The following RAB3IL1 variants were observed in gnomAD, a reference collection of about 807,000 sequenced individuals.
RAB3IL1 encodes guanine nucleotide exchange factor for Rab-3A.
Under a neutral mutation model 49.2 loss-of-function variants are expected in RAB3IL1, and 37 were observed. That is an observed-to-expected ratio of 0.75 (90% CI 0.58 to 0.99). The LOEUF (loss-of-function observed/expected upper bound fraction) is 0.99. Among genes scored for constraint, RAB3IL1 ranks in the 50% least tolerant of loss-of-function variants. The pLI is 0.00. For synonymous variants in RAB3IL1, 193 were observed against 213.9 expected, an observed-to-expected ratio of 0.90 and a Z score of 0.85; for missense variants, 484 against 513.0, an observed-to-expected ratio of 0.94 and a Z score of 0.55.
Position 61,906,370 on chromosome 11 carries a change from C to G in RAB3IL1, c.657+96G>C. On this transcript the variant is annotated intron_variant, in intron 5 of 9. Transcript: ENST00000394836. This position sits in a 1 kb window ranked among gnomAD's most constrained non-coding sequence, Gnocchi z 4.6. ...GGCGCAGGACAGGCTCCAGGTCACACAGCATGGGGCAGGCTGGTCCTCACT... is the reference window on the plus strand; with the variant it reads ...GGCGCAGGACAGGCTCCAGGTCACAGAGCATGGGGCAGGCTGGTCCTCACT... 8.6e-6 allele frequency: 10 copies of G among 1,156,224 alleles called. No homozygotes were observed. The highest frequency in any genetic ancestry group is 1.2e-5 in the Non-Finnish European group (10 of 804,622). The allele number at this position is 1,156,224 out of a possible 1,614,324, so 71.6% of individuals were successfully genotyped here.
At chr11:61,899,851 G>A (rs968358706) in intron 8 of RAB3IL1, 5 of 162,572 alleles carry the variant, frequency 3.1e-5, no homozygotes, top group Non-Finnish European at 6.8e-5. Context: ...ACTGGGAAAG[G>A]AAAGGGGGTC....
Position 61,898,153 on chromosome 11 carries a change from G to GT in RAB3IL1, c.*124dup. The GT allele has an allele frequency of 1.2e-6, 1 of 855,304 alleles. No individual in the cohort carries two copies. Among genetic ancestry groups the GT allele is most frequent in the Non-Finnish European group, 1.9e-6 (1 of 528,032 alleles). 53.0% of individuals were successfully genotyped at this position (855,304 alleles called of 1,614,324 possible). A position where few individuals can be genotyped will look rare whatever the true frequency, so the allele number is the denominator to read the frequency against. ...TGGCTCAGTGCTGCCTCCATGGCCT[G>GT]TCTGTCCATCCATTCTGCCTCTGGC... On this transcript the variant is annotated 3_prime_UTR_variant, in exon 10 of 10. Coordinates refer to ENST00000394836, the MANE Select transcript of RAB3IL1 (RefSeq NM_013401.4). The surrounding 1 kb of genome is among the most constrained non-coding windows in gnomAD (Gnocchi z 5.1).
chr11:61,898,810 A>C lies in RAB3IL1; in HGVS notation c.1067-450T>G. ...TGGCCTTGGCCTCCAAGAGGACTTG[A>C]CCCCCAGGATGGAGAGGAGATAGCT... On this transcript the variant is annotated intron_variant, in intron 9 of 9. Transcript: ENST00000394836. This position sits in a 1 kb window ranked among gnomAD's most constrained non-coding sequence, Gnocchi z 5.1. 2.1e-6 allele frequency: 1 copy of C among 468,396 alleles called. No individual in the cohort carries two copies. The highest frequency in any genetic ancestry group is 4.2e-6 in the Non-Finnish European group (1 of 235,578). 29.0% of individuals were successfully genotyped at this position (468,396 alleles called of 1,614,324 possible).
At chr11:61,921,867 C>T (rs1939915330), upstream of RAB3IL1, among the ~76,000 whole-genome samples, 1 of 152,154 alleles carries the variant, frequency 6.6e-6, no homozygotes, top group African/African-American at 2.4e-5. Context: ...GGGAAGTTCT[C>T]CCCTGTGAAA....
rs1006201118 is a variant in RAB3IL1 at position 61,898,650 on chromosome 11, C to T, written c.1067-290G>A. Among the ~76,000 whole-genome samples the T allele has an allele frequency of 9.9e-5, 15 of 152,230 alleles. No homozygotes were observed. The highest frequency in any genetic ancestry group is 6.2e-4 in the South Asian group (3 of 4,834). On this transcript the variant is annotated intron_variant, in intron 9 of 9. Transcript: ENST00000394836. This position sits in a 1 kb window ranked among gnomAD's most constrained non-coding sequence, Gnocchi z 5.1. ...AGGTACACGCTGTCACATGCCACAG[C>T]GGTGGTCCAGACCTGGGAACTACAT...
At chr11:61,941,868 C>T in the RAB3IL1 span, among the ~76,000 whole-genome samples, 1 of 152,076 alleles carries the variant, frequency 6.6e-6, no homozygotes, top group Admixed American at 6.6e-5. Context: ...ACATCGTGTC[C>T]ATGTGGGATT....
chr11:61,934,476 A>G, the RAB3IL1 span, among the ~76,000 whole-genome samples: 112 of 58,404 alleles, frequency 1.9e-3, 6 homozygotes, highest in South Asian at 2.9e-3. Flanking sequence ...ATATATATAT[A>G]TATATATATA....
upstream of RAB3IL1, chr11:61,920,163 G>T: frequency 7.6e-7 from 1 of 1,322,602 alleles, no homozygotes; most frequent in South Asian, 2.1e-5. Flanking sequence ...CTCGGGCGGG[G>T]CACCCAGCGT....
upstream of RAB3IL1, among the ~76,000 whole-genome samples, chr11:61,923,293 G>T (rs1939945061): frequency 6.6e-6 from 1 of 152,328 alleles, no homozygotes; most frequent in South Asian, 2.1e-4. Context: ...AGGGTCACTT[G>T]TGAGTCACAG....
intron 5 of RAB3IL1, among the ~76,000 whole-genome samples, chr11:61,905,084 C>T (rs976186068): frequency 6.6e-6 from 1 of 152,228 alleles, no homozygotes; most frequent in African/African-American, 2.4e-5. Flanking sequence ...GAATTTAGAA[C>T]TAAAAGTTTT....
chr11:61,919,963 A>T, upstream of RAB3IL1: 1 of 1,004,910 alleles, frequency 1.0e-6, no homozygotes, highest in Non-Finnish European at 1.3e-6. Flanking sequence ...GGACTCTCTG[A>T]GCCCAGCTTC....
In RAB3IL1 at chr11:61,917,460, C is replaced by T; in HGVS notation, c.-93G>A. 3 of 1,164,586 alleles carry T rather than the reference C, an allele frequency of 2.6e-6. No homozygotes were observed. The highest frequency in any genetic ancestry group is 1.1e-6 in the Non-Finnish European group (1 of 946,090). 72.1% of individuals were successfully genotyped at this position (1,164,586 alleles called of 1,614,324 possible). ...GCCCGCCGCCGACTCCGCCAGGGGC[C>T]GAGCCGCCCCACCGCCTGTCAGCCC... On this transcript the variant is annotated 5_prime_UTR_variant, in exon 1 of 10. Transcript: ENST00000394836.
At chr11:61,928,916 G>A in the RAB3IL1 span, among the ~76,000 whole-genome samples, 1 of 152,112 alleles carries the variant, frequency 6.6e-6, no homozygotes, top group Admixed American at 6.6e-5. Flanking sequence ...CAGAACTCCA[G>A]GTAGTGGTCT....
rs539001742 is a variant in RAB3IL1 at position 61,908,259 on chromosome 11, G to A, written c.59C>T (p.Pro20Leu). 4.3e-5 allele frequency: 65 copies of A among 1,518,790 alleles called. No individual in the cohort carries two copies. In the South Asian group the frequency reaches 4.8e-4, roughly 11 times the overall value. 94.1% of individuals were successfully genotyped at this position (1,518,790 alleles called of 1,614,324 possible). A position where few individuals can be genotyped will look rare whatever the true frequency, so the allele number is the denominator to read the frequency against. The stretch of plus-strand genomic sequence containing the variant: ...GGGGTCCGTGCTCTTCCAGGGGACC[G>A]GGACAGCTGCAAGGGGCGGCGGGAG... Reference protein sequence around the residue: ...QGLPPPLAAVPVPWKSTDPCQ... With the variant: ...QGLPPPLAAVLVPWKSTDPCQ... The change falls in exon 2 of 10, where the codon CCG becomes CTG. Residue 20 changes from proline to leucine, a missense_variant. Physicochemically the swap from Pro to Leu is moderately conservative, Grantham distance 98. Coordinates refer to ENST00000394836, the MANE Select transcript of RAB3IL1 (RefSeq NM_013401.4).
At chr11:61,945,337 C>T in the RAB3IL1 span, among the ~76,000 whole-genome samples, 1 of 152,176 alleles carries the variant, frequency 6.6e-6, no homozygotes, top group Non-Finnish European at 1.5e-5. Flanking sequence ...ATTGTTTCTA[C>T]TATTCTTTCC....
At chr11:61,913,882 C>T (rs1046293758) in intron 1 of RAB3IL1, among the ~76,000 whole-genome samples, 1 of 152,126 alleles carries the variant, frequency 6.6e-6, no homozygotes, top group African/African-American at 2.4e-5. Context: ...GTGCAGAGCT[C>T]GGAGGGTCTA....
At chr11:61,929,285 G>C in the RAB3IL1 span, among the ~76,000 whole-genome samples, 3 of 152,062 alleles carry the variant, frequency 2.0e-5, no homozygotes, top group Non-Finnish European at 4.4e-5. Context: ...CAGGTGGATC[G>C]CTTGAGCCCA....
the RAB3IL1 span, among the ~76,000 whole-genome samples, chr11:61,941,900 G>T: frequency 6.6e-6 from 1 of 152,118 alleles, no homozygotes. Flanking sequence ...TGCAAGCAAG[G>T]TAGTTGAACA....
the RAB3IL1 span, among the ~76,000 whole-genome samples, chr11:61,929,374 A>G: frequency 1.3e-5 from 2 of 151,946 alleles, no homozygotes; most frequent in Non-Finnish European, 2.9e-5. Context: ...GTGTGGTGGC[A>G]TGCGCCTATT....
Sources: allele counts gnomAD v4.1 joint callset (sites outside exome capture counted in the v4.1 genomes callset), GRCh38; gene constraint gnomAD v4.1.1; non-coding constraint Gnocchi (gnomAD v3.1); transcripts MANE v1.5; gene names NCBI Gene and HGNC (gene_info 2026-07-23, HGNC 2026-07-21).